ADAMTSL1: variants seen among roughly 807,000 people sequenced by gnomAD.
ADAMTSL1 encodes ADAMTS-like protein 1.
A neutral mutation model predicts 201.8 loss-of-function variants in ADAMTSL1; 126 were observed. That is an observed-to-expected ratio of 0.62 (90% CI 0.54 to 0.72). The LOEUF is 0.72. Ranked by LOEUF, ADAMTSL1 falls within the 30% of genes least tolerant of loss-of-function variation. ADAMTSL1 has a pLI of 0.00. For synonymous variants in ADAMTSL1, 1,121 were observed against 903.4 expected (o/e 1.24, Z -4.32); for missense variants, 2,679 against 2,277.8 (o/e 1.18, Z -3.59).
chr9:18,896,881 C>G (rs1829672034), intron 26 of ADAMTSL1, among the ~76,000 whole-genome samples: 1 of 152,112 alleles, frequency 6.6e-6, no homozygotes, highest in African/African-American at 2.4e-5. Context: ...CAAGCAGCAT[C>G]ATTCTGCAGG....
rs1290132232 is a variant in ADAMTSL1, at chr9:18,392,302, T to C, written c.208-112527T>C. 6.6e-5 allele frequency among the ~76,000 whole-genome samples: 10 copies of C among 152,204 alleles called. 1 individual carries two copies. The highest frequency in any genetic ancestry group is 5.9e-4 in the Admixed American group (9 of 15,274). On this transcript the variant is annotated intron_variant, in intron 2 of 29. Transcript: ENST00000680146. ...TCACATAAAGTCACTGTTGCTTTAGTACATGTGGTTAATAAAGAGGCACTC... is the reference window on the plus strand; with the variant it reads ...TCACATAAAGTCACTGTTGCTTTAGCACATGTGGTTAATAAAGAGGCACTC...
chr9:18,363,401 A>G (rs1836618143), intron 2 of ADAMTSL1, among the ~76,000 whole-genome samples: 1 of 152,218 alleles, frequency 6.6e-6, no homozygotes, highest in Non-Finnish European at 1.5e-5. Flanking sequence ...GATTTAATTA[A>G]TTCTTTGGGA....
chr9:18,169,913 T>G (rs193059560), intron 2 of ADAMTSL1, among the ~76,000 whole-genome samples: 135 of 141,772 alleles, frequency 9.5e-4, no homozygotes, highest in African/African-American at 3.0e-3. Flanking sequence ...TAATCTTTGG[T>G]TTTTTGGAAT....
intron 2 of ADAMTSL1, among the ~76,000 whole-genome samples, chr9:18,524,137 C>G (rs1200963606): frequency 6.6e-6 from 1 of 151,944 alleles, no homozygotes; most frequent in Non-Finnish European, 1.5e-5. Context: ...GTTTATAGTT[C>G]TCCTTGAAGA....
intron 9 of ADAMTSL1, among the ~76,000 whole-genome samples, chr9:18,667,618 A>G (rs1334572691): frequency 2.6e-5 from 4 of 152,152 alleles, no homozygotes; most frequent in African/African-American, 9.7e-5. Context: ...ACATTTAAAG[A>G]GCTTAGCAGA....
At chr9:18,498,232 G>C in intron 1 of ADAMTSL1, among the ~76,000 whole-genome samples, 1 of 151,708 alleles carries the variant, frequency 6.6e-6, no homozygotes, top group Non-Finnish European at 1.5e-5. Context: ...GGCAGGGAGT[G>C]ATAAAATAAT....
At chr9:18,604,850 G>T (rs1824910403) in intron 4 of ADAMTSL1, among the ~76,000 whole-genome samples, 1 of 152,040 alleles carries the variant, frequency 6.6e-6, no homozygotes, top group African/African-American at 2.4e-5. Context: ...TTTTCTGCAG[G>T]GCTGCACCAT....
chr9:17,965,867 T>C (rs2131411534), intron 1 of ADAMTSL1, among the ~76,000 whole-genome samples: 1 of 152,222 alleles, frequency 6.6e-6, no homozygotes, highest in Admixed American at 6.5e-5. Flanking sequence ...GGATTCTACA[T>C]CCCAGAAGTA....
At chr9:18,543,208 C>A (rs1187718115) in intron 3 of ADAMTSL1, among the ~76,000 whole-genome samples, 1 of 152,176 alleles carries the variant, frequency 6.6e-6, no homozygotes. Context: ...AGGATGGTGA[C>A]TAAACTCATT....
At chr9:18,399,515 TA>T (rs1421093303) in intron 2 of ADAMTSL1, among the ~76,000 whole-genome samples, 1 of 95,602 alleles carries the variant, frequency 1.0e-5, no homozygotes, top group Non-Finnish European at 2.2e-5. Flanking sequence ...CTGATTTTTA[TA>T]TTTTTTTGTA....
At chr9:18,133,626 C>G (rs768718681) in intron 1 of ADAMTSL1, among the ~76,000 whole-genome samples, 1 of 151,998 alleles carries the variant, frequency 6.6e-6, no homozygotes, top group Non-Finnish European at 1.5e-5. Context: ...AGTAATGGAC[C>G]CCATTCAAGG....
At position 17,906,656 on chromosome 9, in the gene ADAMTSL1, G is replaced by A. The variant is rs574097418; in HGVS notation, c.-180G>A. The A allele has an allele frequency of 4.7e-3, 712 of 152,438 alleles. 5 individuals carry two copies. The highest frequency in any genetic ancestry group is 0.014 in the Middle Eastern group (4 of 296). 9.4% of individuals were successfully genotyped at this position (152,438 alleles called of 1,614,324 possible). On this transcript the variant is annotated 5_prime_UTR_variant, in exon 1 of 30. Coordinates refer to the ADAMTSL1 transcript ENST00000680146. Reference sequence around the variant, plus strand: ...CCATTCAAAGCAGACCCGCTCCGCGGCCGCACTGAAGCTCCAAAGCCGCGC... The same window carrying A: ...CCATTCAAAGCAGACCCGCTCCGCGACCGCACTGAAGCTCCAAAGCCGCGC...
chr9:18,443,615 T>C (rs1820079910), intron 2 of ADAMTSL1, among the ~76,000 whole-genome samples: 1 of 152,174 alleles, frequency 6.6e-6, no homozygotes, highest in African/African-American at 2.4e-5. Flanking sequence ...AGAAAGAAAA[T>C]GACTTCATAA....
At chr9:18,718,040 C>T (rs550857139) in intron 14 of ADAMTSL1, 12 of 1,573,660 alleles carry the variant, frequency 7.6e-6, no homozygotes, top group Admixed American at 3.3e-5. Context: ...GTTAATCTGC[C>T]GCACTAGGTC....
intron 13 of ADAMTSL1, among the ~76,000 whole-genome samples, chr9:18,688,689 A>AAAATATATATATATATAT (rs1554730404): frequency 1.3e-3 from 11 of 8,622 alleles, no homozygotes; most frequent in Admixed American, 4.7e-3. Flanking sequence ...AAAAAAAAAA[A>AAAATATATATATATATAT]ATATATATAT....
chr9:18,219,347 A>T lies in ADAMTSL1; in HGVS notation c.207+55366A>T, dbSNP rs1196840898. 2.4e-4 allele frequency among the ~76,000 whole-genome samples: 13 copies of T among 53,132 alleles called. No homozygotes were observed. In the East Asian group the frequency reaches 3.8e-3, roughly 16 times the overall value. The allele number at this position is 53,132 out of a possible 152,430, so 34.9% of individuals were successfully genotyped here. A position where few individuals can be genotyped will look rare whatever the true frequency, so the allele number is the denominator to read the frequency against. ...CAATATATATTTACATTTTATTTTT[A>T]TTTATTTATTTATTTATTTATTTAT... On this transcript the variant is annotated intron_variant, in intron 2 of 29. Transcript: ENST00000680146.
intron 2 of ADAMTSL1, among the ~76,000 whole-genome samples, chr9:18,302,504 C>T (rs1317768949): frequency 6.6e-6 from 1 of 152,170 alleles, no homozygotes; most frequent in African/African-American, 2.4e-5. Flanking sequence ...ACATGTGTAG[C>T]TCTTGCCTCT....
chr9:18,348,381 G>A (rs1379873348), intron 2 of ADAMTSL1, among the ~76,000 whole-genome samples: 2 of 152,158 alleles, frequency 1.3e-5, no homozygotes, highest in African/African-American at 4.8e-5. Flanking sequence ...GCACTGCTTT[G>A]TTTTAAGTTA....
Position 18,753,281 on chromosome 9 carries a change from C to T in ADAMTSL1, c.2007-17C>T, listed in dbSNP as rs764383333. The T allele has an allele frequency of 6.2e-7, 1 of 1,603,712 alleles. No homozygotes were observed. Among genetic ancestry groups the T allele is most frequent in the Non-Finnish European group, 8.5e-7 (1 of 1,174,818 alleles). ...GGTACTAAGGGTGTGTCCTCTTCCT[C>T]TCTGATTTCTTCTCAGGTGGGAAAT... On this transcript the variant is annotated splice_polypyrimidine_tract_variant and intron_variant, in intron 15 of 28. Transcript: ENST00000380548.
Sources: allele counts gnomAD v4.1 joint callset (sites outside exome capture counted in the v4.1 genomes callset), GRCh38; gene constraint gnomAD v4.1.1; transcripts MANE v1.5; gene names NCBI Gene and HGNC (gene_info 2026-07-23, HGNC 2026-07-21).